MAP4: variants seen among roughly 807,000 people sequenced by gnomAD.
MAP4 encodes microtubule-associated protein 4.
MAP4 carries 76 observed loss-of-function variants against 170.2 expected under a neutral mutation model. The observed-to-expected ratio is 0.45, with a 90% CI of 0.37 to 0.54. MAP4 has a LOEUF of 0.54. Among genes scored for constraint, MAP4 ranks in the 20% least tolerant of loss-of-function variants. The pLI is 0.00. For synonymous variants in MAP4, 909 were observed against 994.5 expected (o/e 0.91, Z 1.62); for missense variants, 2,506 against 2,748.0 (o/e 0.91, Z 1.97).
intron 10 of MAP4, among the ~76,000 whole-genome samples, chr3:47,894,577 C>A (rs549980300): frequency 6.8e-6 from 1 of 147,112 alleles, no homozygotes; most frequent in Non-Finnish European, 1.5e-5. Context: ...GGCAAGACTC[C>A]GTCTCAAAAA....
chr3:47,935,745 T>C (rs960442662), intron 3 of MAP4, among the ~76,000 whole-genome samples: 5 of 151,494 alleles, frequency 3.3e-5, no homozygotes, highest in African/African-American at 1.2e-4. Context: ...GAGACCAGCC[T>C]GATCAATATG....
chr3:48,033,086 A>G (rs1289229685), intron 1 of MAP4, among the ~76,000 whole-genome samples: 6 of 152,248 alleles, frequency 3.9e-5, no homozygotes, highest in Non-Finnish European at 8.8e-5. Flanking sequence ...AAGTCCAAGG[A>G]GATTAACAAA....
chr3:47,850,919 AC>A lies in MAP4; in HGVS notation c.*2014del, dbSNP rs1186848994. On this transcript the variant is annotated 3_prime_UTR_variant, in exon 21 of 21. Transcript: ENST00000683076. ...GGAACTCTGACCACTCCTGTTGTCT[AC>A]CTAGAGAGCACGCCACTTGGGCCAC... 1 of 152,080 alleles carries A rather than the reference AC, an allele frequency of 6.6e-6. No individual in the cohort carries two copies. The highest frequency in any genetic ancestry group is 1.5e-5 in the Non-Finnish European group (1 of 68,064). The allele number at this position is 152,080 out of a possible 1,614,324, so 9.4% of individuals were successfully genotyped here.
chr3:48,087,777 A>ACACT (rs1188261294), intron 1 of MAP4, among the ~76,000 whole-genome samples: 2 of 150,234 alleles, frequency 1.3e-5, no homozygotes, highest in African/African-American at 4.9e-5. Flanking sequence ...ACACACACAC[A>ACACT]CTGCAAGAAA....
rs1373980879 is a variant in MAP4 at position 48,079,401 on chromosome 3, C to G, written c.-20+9372G>C. ...GGGTGCAGTGGCTCACGTCTGTAAT[C>G]CCAGCACTTTGGCAGGCCAAGGTGG... On this transcript the variant is annotated intron_variant, in intron 1 of 18. Coordinates refer to the MAP4 transcript ENST00000360240. Among the ~76,000 whole-genome samples the G allele has an allele frequency of 2.0e-5, 3 of 152,054 alleles. No individual in the cohort carries two copies. In the East Asian group the frequency reaches 5.8e-4, roughly 29 times the overall value.
At chr3:48,075,813 A>G (rs2100143568) in intron 1 of MAP4, among the ~76,000 whole-genome samples, 1 of 151,782 alleles carries the variant, frequency 6.6e-6, no homozygotes, top group South Asian at 2.1e-4. Context: ...AGTCTCTACT[A>G]AAAATACAAA....
At chr3:48,055,787 C>T (rs1470188378) in intron 1 of MAP4, among the ~76,000 whole-genome samples, 1 of 135,658 alleles carries the variant, frequency 7.4e-6, no homozygotes, top group Non-Finnish European at 1.6e-5. Context: ...GCCATCACAT[C>T]TAGGAAGTGA....
chr3:47,974,803 G>A (rs1384942642), intron 3 of MAP4: 2 of 963,800 alleles, frequency 2.1e-6, no homozygotes, highest in African/African-American at 3.5e-5. Flanking sequence ...AAATAATAAA[G>A]GATTATTTAA....
chr3:47,856,091 A>G (rs117488033), intron 18 of MAP4, among the ~76,000 whole-genome samples: 1 of 152,168 alleles, frequency 6.6e-6, no homozygotes, highest in Non-Finnish European at 1.5e-5. Flanking sequence ...GAGTGTGCCC[A>G]TGAGACCAAG....
intron 10 of MAP4, among the ~76,000 whole-genome samples, chr3:47,901,816 G>A (rs1190219980): frequency 6.6e-6 from 1 of 152,188 alleles, no homozygotes; most frequent in Non-Finnish European, 1.5e-5. Flanking sequence ...GTCAACCAGA[G>A]GGTACAAGTG....
At chr3:47,924,783 T>C (rs967085701) in intron 4 of MAP4, among the ~76,000 whole-genome samples, 1 of 151,858 alleles carries the variant, frequency 6.6e-6, no homozygotes. Flanking sequence ...TCATGATTAG[T>C]AAACACAGAG....
intron 1 of MAP4, among the ~76,000 whole-genome samples, chr3:48,000,974 T>C (rs2100098823): frequency 6.6e-6 from 1 of 152,250 alleles, no homozygotes; most frequent in Non-Finnish European, 1.5e-5. Flanking sequence ...GCTGTGAGGC[T>C]ACCATGATTA....
Position 47,916,471 on chromosome 3 carries a change from C to A in MAP4, c.1356G>T (p.Leu452=), listed in dbSNP as rs775310284. Residue 452 remains leucine (L), a synonymous_variant, in exon 7 of 21, where the codon CTG becomes CTT. Transcript: ENST00000683076. ...TEVALARDMT[L]PPETNVILTK... ...TCAAGATCACGTTGGTTTCCGGGGG[C>A]AGTGTCATGTCCCTGGCCAGGGCTA... 1.7e-5 allele frequency: 28 copies of A among 1,614,130 alleles called. No individual in the cohort carries two copies. In the Admixed American group the frequency reaches 4.7e-4, roughly 27 times the overall value.
chr3:47,877,382 T>C (rs1434258510), intron 11 of MAP4, 35 bp downstream of exon 11: 3 of 1,482,174 alleles, frequency 2.0e-6, no homozygotes. Flanking sequence ...TTAAAAATTA[T>C]GGCAGTAGAA....
At chr3:47,921,667 A>T (rs1553624092) in intron 5 of MAP4, 98 bp downstream of exon 5, 2 of 671,440 alleles carry the variant, frequency 3.0e-6, no homozygotes, top group African/African-American at 1.8e-5. Context: ...TTTTCTTGTT[A>T]ATCTTTTGTC....
intron 1 of MAP4, among the ~76,000 whole-genome samples, chr3:48,022,517 AACT>A (rs1181428171): frequency 6.6e-6 from 1 of 152,188 alleles, no homozygotes; most frequent in African/African-American, 2.4e-5. Context: ...AACTGAGAAA[AACT>A]ATTTTGAAGC....
At chr3:47,951,822 T>G (rs1429988889) in intron 3 of MAP4, among the ~76,000 whole-genome samples, 1 of 143,916 alleles carries the variant, frequency 6.9e-6, no homozygotes, top group Non-Finnish European at 1.5e-5. Flanking sequence ...TCGTCTGGGA[T>G]GTGAGGAGCC....
At chr3:47,873,600 GT>G (rs1437159305) in intron 12 of MAP4, among the ~76,000 whole-genome samples, 1 of 152,232 alleles carries the variant, frequency 6.6e-6, no homozygotes, top group African/African-American at 2.4e-5. Context: ...TAAGTATGGT[GT>G]GAAGAACGCT....
chr3:47,861,426 C>T lies in MAP4; in HGVS notation c.6502-3914G>A, dbSNP rs914861697. 8.7e-5 allele frequency among the ~76,000 whole-genome samples: 13 copies of T among 149,242 alleles called. No individual in the cohort carries two copies. In the South Asian group the frequency reaches 2.8e-3, roughly 32 times the overall value. On this transcript the variant is annotated intron_variant, in intron 17 of 20. Transcript: ENST00000683076. ...GGAGTCCAATGGCATGATTTCAACT[C>T]ACTGCAACCTCCGACTGCCTGGTTC...
Sources: allele counts gnomAD v4.1 joint callset (sites outside exome capture counted in the v4.1 genomes callset), GRCh38; gene constraint gnomAD v4.1.1; transcripts MANE v1.5; gene names NCBI Gene and HGNC (gene_info 2026-07-23, HGNC 2026-07-21).